The following PRMT2 variants were observed in gnomAD, a reference collection of about 807,000 sequenced individuals.
The protein encoded by PRMT2 is protein arginine N-methyltransferase 2.
Under a neutral mutation model 57.6 loss-of-function variants are expected in PRMT2, and 26 were observed. The ratio of observed to expected loss-of-function variants is 0.45; its 90% CI spans 0.33 to 0.63. The LOEUF (loss-of-function observed/expected upper bound fraction) is 0.63. Ranked by LOEUF, PRMT2 falls within the 20% of genes least tolerant of loss-of-function variation. PRMT2 has a pLI of 0.02. For missense variants in PRMT2, 472 were observed against 564.4 expected, an observed-to-expected ratio of 0.84 and a Z score of 1.66; for synonymous variants, 219 against 220.0, an observed-to-expected ratio of 1.00 and a Z score of 0.04.
chr21:46,661,202 G>A, intron 9 of PRMT2: 1 of 324,590 alleles, frequency 3.1e-6, no homozygotes, highest in East Asian at 5.4e-5. Flanking sequence ...TGTCTCCAGC[G>A]TCTTCATTTT....
At position 46,664,289 on chromosome 21, in the gene PRMT2, T is replaced by C. The variant is rs751743645; in HGVS notation, c.1270-6T>C. 1.9e-6 allele frequency: 3 copies of C among 1,607,306 alleles called. No individual in the cohort carries two copies. In the South Asian group the frequency reaches 3.3e-5, roughly 18 times the overall value. ...TGATTGACCTGTTGTCATTTATCTT[T>C]TTCAGGTTGGAGAAAAAGTCTTCCC... On this transcript the variant is annotated splice_polypyrimidine_tract_variant and splice_region_variant and intron_variant, in intron 11 of 11. Transcript: ENST00000355680.
chr21:46,662,178 C>T (rs941541748), intron 10 of PRMT2, among the ~76,000 whole-genome samples: 78 of 152,164 alleles, frequency 5.1e-4, no homozygotes, highest in African/African-American at 1.9e-3. Context: ...CTGGGCGTCC[C>T]TCCGACAACA....
chr21:46,664,272 C>T, intron 11 of PRMT2, 23 bp from the exon 12 acceptor site: 1 of 1,556,746 alleles, frequency 6.4e-7, no homozygotes, highest in Non-Finnish European at 8.9e-7. Flanking sequence ...TCTGATTGAC[C>T]TGTTGTCATT....
chr21:46,659,086 A>G (rs1236428713), intron 8 of PRMT2, 166 bp downstream of exon 8: 1 of 1,414,210 alleles, frequency 7.1e-7, no homozygotes, highest in African/African-American at 1.4e-5. Flanking sequence ...TTAAAGCAGT[A>G]TGGTGCTATA....
intron 8 of PRMT2, chr21:46,659,847 A>G: frequency 1.0e-6 from 1 of 985,450 alleles, no homozygotes; most frequent in Non-Finnish European, 1.2e-6. Context: ...GTTAAAAAAG[A>G]AACCATAGGT....
At chr21:46,647,147 G>A (rs917148265) in intron 5 of PRMT2, among the ~76,000 whole-genome samples, 9 of 152,174 alleles carry the variant, frequency 5.9e-5, no homozygotes, top group Non-Finnish European at 1.3e-4. Context: ...GATCTTAAAA[G>A]TTAAATATGG....
chr21:46,653,192 G>T (rs759512168), intron 7 of PRMT2: 8 of 985,406 alleles, frequency 8.1e-6, no homozygotes, highest in Non-Finnish European at 9.6e-6. Context: ...CAAAGTAACT[G>T]CTGAGGTTAA....
Position 46,636,947 on chromosome 21 carries a change from G to C in PRMT2, c.-5G>C. The C allele has an allele frequency of 6.2e-7, 1 of 1,613,356 alleles. No individual in the cohort carries two copies. Among genetic ancestry groups the C allele is most frequent in the Non-Finnish European group, 8.5e-7 (1 of 1,179,640 alleles). ...AGCAGTTATGAGGCAGAGCCTAAGA[G>C]AACTATGGCAACATCAGGTGACTGT... On this transcript the variant is annotated 5_prime_UTR_variant, in exon 3 of 12. Coordinates refer to ENST00000355680, the MANE Select transcript of PRMT2 (RefSeq NM_206962.4).
chr21:46,664,544 T>C lies in PRMT2; in HGVS notation c.*217T>C. On this transcript the variant is annotated 3_prime_UTR_variant, in exon 12 of 12. Transcript: ENST00000355680. ...TGCCGTGGCCACCCCCGCTGCCCAG[T>C]GTCTGCCCTCTAGAAGTAGGCTGTG... 1.6e-6 allele frequency: 1 copy of C among 619,246 alleles called. No homozygotes were observed. The highest frequency in any genetic ancestry group is 2.6e-5 in the Admixed American group (1 of 38,634). 38.4% of individuals were successfully genotyped at this position (619,246 alleles called of 1,614,324 possible).
intron 3 of PRMT2, among the ~76,000 whole-genome samples, chr21:46,637,539 C>G (rs1331449526): frequency 1.3e-5 from 2 of 151,888 alleles, no homozygotes; most frequent in Non-Finnish European, 2.9e-5. Flanking sequence ...TTCTTTTTTT[C>G]TCTTTCATTC....
rs1017443654 is a variant in PRMT2, at chr21:46,648,372, G to A, written c.328-86G>A. The A allele has an allele frequency of 6.9e-7, 1 of 1,450,790 alleles. No individual in the cohort carries two copies. Among genetic ancestry groups the A allele is most frequent in the East Asian group, 2.3e-5 (1 of 43,676 alleles). The allele number at this position is 1,450,790 out of a possible 1,614,324, so 89.9% of individuals were successfully genotyped here. A position where few individuals can be genotyped will look rare whatever the true frequency, so the allele number is the denominator to read the frequency against. On this transcript the variant is annotated intron_variant, in intron 5 of 11. Transcript: ENST00000355680. This position sits in a 1 kb window ranked among gnomAD's most constrained non-coding sequence, Gnocchi z 4.8. Reference sequence around the variant, plus strand: ...GGGGTGTTGGGGTCAGGGGTCATCAGCTGTGGCTCTGACCCTCCATCTCAG... The same window carrying A: ...GGGGTGTTGGGGTCAGGGGTCATCAACTGTGGCTCTGACCCTCCATCTCAG...
Position 46,648,159 on chromosome 21 carries a change from T to G in PRMT2, c.328-299T>G, listed in dbSNP as rs2061393104. 6.6e-6 allele frequency among the ~76,000 whole-genome samples: 1 copy of G among 152,206 alleles called. No homozygotes were observed. Among genetic ancestry groups the G allele is most frequent in the South Asian group, 2.1e-4 (1 of 4,832 alleles). ...GATTACTTAAGCTTTGTTTAATATC[T>G]CTTAGTATTTTAAGATAAGGACAAT... On this transcript the variant is annotated intron_variant, in intron 5 of 11. Transcript: ENST00000355680. The surrounding 1 kb of genome is among the most constrained non-coding windows in gnomAD (Gnocchi z 4.8).
At chr21:46,646,224 G>A (rs937380666) in intron 5 of PRMT2, among the ~76,000 whole-genome samples, 1 of 152,226 alleles carries the variant, frequency 6.6e-6, no homozygotes, top group African/African-American at 2.4e-5. Context: ...TAACTCTGCA[G>A]ATACTTTTTA....
Position 46,661,808 on chromosome 21 carries a change from G to T in PRMT2, c.969G>T (p.Arg323Ser). Residue 323 changes from arginine to serine, a missense_variant, in exon 10 of 12, where the codon AGG (arginine) becomes AGT (serine). Arg to Ser is a moderately radical substitution (Grantham distance 110). Around this residue, in one of 2 missense-constraint regions of PRMT2, gnomAD observed 229 missense variants for 217.2 expected, o/e 1.05. Coordinates refer to ENST00000355680, the MANE Select transcript of PRMT2 (RefSeq NM_206962.4). ...TCATCTGCTTGACCCAGACCCTGAG[G>T]GGCGAGCTGCGCTTCGACATCAGGA... The part of the protein sequence containing the change: ...TVQISDLETL[R>S]GELRFDIRKA... The T allele has an allele frequency of 6.9e-7, 1 of 1,444,512 alleles. No individual in the cohort carries two copies. The highest frequency in any genetic ancestry group is 1.4e-5 in the South Asian group (1 of 69,976). The allele number at this position is 1,444,512 out of a possible 1,614,324, so 89.5% of individuals were successfully genotyped here. A position where few individuals can be genotyped will look rare whatever the true frequency, so the allele number is the denominator to read the frequency against.
At chr21:46,650,556 G>A (rs543536285) in intron 7 of PRMT2, among the ~76,000 whole-genome samples, 309 of 152,302 alleles carry the variant, frequency 2.0e-3, no homozygotes, top group Non-Finnish European at 3.2e-3. Context: ...AACATCTGTG[G>A]AGCCATAAGA....
intron 11 of PRMT2, 66 bp downstream of exon 11, chr21:46,663,620 G>A (rs2061663485): frequency 1.3e-6 from 2 of 1,538,576 alleles, no homozygotes; most frequent in Non-Finnish European, 8.9e-7. Flanking sequence ...GGCCTGGGTG[G>A]TGGTAGTGAT....
intron 7 of PRMT2, chr21:46,651,885 T>C: frequency 6.2e-7 from 1 of 1,613,040 alleles, no homozygotes; most frequent in Non-Finnish European, 8.5e-7. Flanking sequence ...GCCTGCTGTC[T>C]GCCTCTCCCC....
chr21:46,651,882 G>A (rs371706971), intron 7 of PRMT2: 7 of 1,612,984 alleles, frequency 4.3e-6, no homozygotes, highest in Non-Finnish European at 5.9e-6. Context: ...CTGGCCTGCT[G>A]TCTGCCTCTC....
chr21:46,661,081 T>G, intron 9 of PRMT2, 119 bp downstream of exon 9: 1 of 976,776 alleles, frequency 1.0e-6, no homozygotes, highest in Non-Finnish European at 1.4e-6. Context: ...GAATAACTAA[T>G]TATTTTATTA....
Sources: gnomAD v4.1 joint callset for allele counts (sites outside exome capture counted in the v4.1 genomes callset) on GRCh38, gnomAD v4.1.1 for gene constraint, gnomAD v4.1.1 regional missense constraint, Gnocchi (gnomAD v3.1) non-coding constraint, MANE v1.5 for transcripts, NCBI Gene and HGNC (gene_info 2026-07-23, HGNC 2026-07-21) for gene names.